Variants in SHISA9 observed in about 807,000 individuals in gnomAD.
The protein encoded by SHISA9 is protein shisa-9.
A neutral mutation model predicts 38.0 loss-of-function variants in SHISA9; 13 were observed. That is an observed-to-expected ratio of 0.34 (90% CI 0.22 to 0.54). SHISA9 has a LOEUF of 0.54. SHISA9 is among the 20% of genes least tolerant of loss of function. SHISA9 has a pLI of 0.91. For synonymous variants in SHISA9, 275 were observed against 242.0 expected (o/e 1.14, Z -1.27); for missense variants, 538 against 575.8 (o/e 0.93, Z 0.67).
chr16:13,159,102 C>T (rs370333656), intron 2 of SHISA9, among the ~76,000 whole-genome samples: 3 of 150,048 alleles, frequency 2.0e-5, no homozygotes, highest in African/African-American at 7.3e-5. Context: ...CAAAAGAAAA[C>T]CCAGCAAAAA....
At chr16:12,972,417 C>G (rs1002447980) in intron 2 of SHISA9, among the ~76,000 whole-genome samples, 1 of 152,036 alleles carries the variant, frequency 6.6e-6, no homozygotes, top group African/African-American at 2.4e-5. Flanking sequence ...CCCACACCTC[C>G]GTATATCACT....
chr16:13,534,105 C>G, the SHISA9 span, among the ~76,000 whole-genome samples: 2 of 151,896 alleles, frequency 1.3e-5, no homozygotes, highest in Non-Finnish European at 2.9e-5. Context: ...TTTAAGAACA[C>G]TTCCCTTAAT....
At chr16:12,916,986 C>T (rs1031365731) in intron 2 of SHISA9, among the ~76,000 whole-genome samples, 171 bp downstream of exon 2, 3 of 152,118 alleles carry the variant, frequency 2.0e-5, no homozygotes, top group Non-Finnish European at 2.9e-5. Flanking sequence ...ATCCGATGTC[C>T]GTTGGTTGCT....
At chr16:13,137,154 A>G (rs943594975) in intron 2 of SHISA9, among the ~76,000 whole-genome samples, 5 of 152,148 alleles carry the variant, frequency 3.3e-5, no homozygotes, top group Non-Finnish European at 7.3e-5. Flanking sequence ...CTTGGCAACA[A>G]TCCTAACCTT....
intron 2 of SHISA9, among the ~76,000 whole-genome samples, chr16:12,968,923 T>A (rs1375321589): frequency 6.6e-6 from 1 of 151,914 alleles, no homozygotes; most frequent in Non-Finnish European, 1.5e-5. Flanking sequence ...TCCCAACAAT[T>A]TGGGAGGCCG....
At chr16:12,991,673 G>C (rs996150286) in intron 2 of SHISA9, among the ~76,000 whole-genome samples, 4 of 152,128 alleles carry the variant, frequency 2.6e-5, no homozygotes, top group Non-Finnish European at 1.5e-5. Flanking sequence ...TTGGAAGAGA[G>C]GAAGATGAGC....
the SHISA9 span, among the ~76,000 whole-genome samples, chr16:13,465,997 G>A: frequency 5.4e-3 from 816 of 152,326 alleles, 2 homozygotes; most frequent in African/African-American, 0.019. Flanking sequence ...GCCCCTTTAC[G>A]GAAAAAGTTT....
At chr16:13,008,468 C>A (rs1322431475) in intron 2 of SHISA9, among the ~76,000 whole-genome samples, 1 of 152,134 alleles carries the variant, frequency 6.6e-6, no homozygotes, top group Non-Finnish European at 1.5e-5. Context: ...GAATTGTAAT[C>A]CCCACGTGTT....
chr16:13,553,502 C>T, the SHISA9 span, among the ~76,000 whole-genome samples: 1 of 152,136 alleles, frequency 6.6e-6, no homozygotes, highest in Admixed American at 6.5e-5. Flanking sequence ...GGGATTCGAT[C>T]TTGTGTCCAT....
intron 2 of SHISA9, among the ~76,000 whole-genome samples, chr16:13,057,395 GTTTA>G (rs1366233424): frequency 2.0e-5 from 3 of 152,086 alleles, no homozygotes; most frequent in African/African-American, 7.2e-5. Context: ...TGCCTGGGGG[GTTTA>G]TTTATTTATT....
chr16:13,539,344 A>AT, the SHISA9 span, among the ~76,000 whole-genome samples: 1 of 47,328 alleles, frequency 2.1e-5, no homozygotes, highest in African/African-American at 6.1e-5. Flanking sequence ...TATATATATA[A>AT]AGATATATAT....
chr16:13,513,868 C>T, the SHISA9 span, among the ~76,000 whole-genome samples: 1 of 152,092 alleles, frequency 6.6e-6, no homozygotes, highest in African/African-American at 2.4e-5. Context: ...AGGACAAATA[C>T]CTAATGCATG....
chr16:13,375,051 T>C, the SHISA9 span, among the ~76,000 whole-genome samples: 3 of 152,188 alleles, frequency 2.0e-5, no homozygotes, highest in Admixed American at 6.5e-5. Flanking sequence ...GTTTAAGTTC[T>C]TTGTAGATTC....
At chr16:13,302,813 A>T in the SHISA9 span, among the ~76,000 whole-genome samples, 1 of 152,020 alleles carries the variant, frequency 6.6e-6, no homozygotes, top group Non-Finnish European at 1.5e-5. Flanking sequence ...ACTTGGTGGG[A>T]GGTAATTGGG....
At chr16:13,191,057 T>C (rs4781424) in intron 2 of SHISA9, among the ~76,000 whole-genome samples, 34,690 of 152,056 alleles carry the variant, frequency 0.23, 4,447 homozygotes, top group East Asian at 0.37. Context: ...TTGAGTTGGA[T>C]TGGATACTTC....
the SHISA9 span, among the ~76,000 whole-genome samples, chr16:13,390,337 A>C: frequency 6.6e-6 from 1 of 152,156 alleles, no homozygotes; most frequent in Non-Finnish European, 1.5e-5. Context: ...TGTTTTACCC[A>C]GTTGCAATCC....
At chr16:13,481,841 T>G in the SHISA9 span, among the ~76,000 whole-genome samples, 1 of 152,204 alleles carries the variant, frequency 6.6e-6, no homozygotes, top group African/African-American at 2.4e-5. Context: ...GAAATTGAAT[T>G]TCAAAATTGA....
intron 2 of SHISA9, among the ~76,000 whole-genome samples, chr16:13,186,288 C>CTTTT (rs113608898): frequency 1.4e-4 from 15 of 104,266 alleles, no homozygotes; most frequent in East Asian, 7.0e-4. Context: ...CCATCTTAAC[C>CTTTT]TTTTTTTTTT....
intron 2 of SHISA9, among the ~76,000 whole-genome samples, chr16:12,966,200 T>C (rs936282932): frequency 1.1e-4 from 16 of 152,308 alleles, no homozygotes; most frequent in Admixed American, 9.1e-4. Context: ...CTGAATGTGT[T>C]CTGTGCTGGA....
Sources: gnomAD v4.1 joint callset for allele counts (sites outside exome capture counted in the v4.1 genomes callset) on GRCh38, gnomAD v4.1.1 for gene constraint, MANE v1.5 for transcripts, NCBI Gene and HGNC (gene_info 2026-07-23, HGNC 2026-07-21) for gene names.